Variants in PIEZO2 observed in about 807,000 individuals in gnomAD.
PIEZO2 encodes the protein piezo-type mechanosensitive ion channel component 2.
A neutral mutation model predicts 337.3 loss-of-function variants in PIEZO2; 172 were observed. The ratio of observed to expected loss-of-function variants is 0.51; its 90% CI spans 0.45 to 0.58. The LOEUF (loss-of-function observed/expected upper bound fraction) is 0.58, where lower values mean the gene tolerates loss of function less well. Ranked by LOEUF, PIEZO2 falls within the 20% of genes least tolerant of loss-of-function variation. PIEZO2 has a pLI of 0.00. For missense variants in PIEZO2, 3,028 were observed against 3,391.3 expected, an observed-to-expected ratio of 0.89 and a Z score of 2.66; for synonymous variants, 1,251 against 1,228.5, an observed-to-expected ratio of 1.02 and a Z score of -0.38.
rs113559340 is a variant in PIEZO2 at position 10,671,142 on chromosome 18, A to G, written c.*385T>C. ...GTGGGGATGGAGCGCTGTATATTGC[A>G]TTGTAGCATCTCTCCAGGAAGTGCA... On this transcript the variant is annotated 3_prime_UTR_variant, in exon 56 of 56. Coordinates refer to ENST00000674853, the MANE Select transcript of PIEZO2 (RefSeq NM_001378183.1). 5.5e-6 allele frequency: 1 copy of G among 181,132 alleles called. No homozygotes were observed. Among genetic ancestry groups the G allele is most frequent in the Non-Finnish European group, 1.2e-5 (1 of 86,370 alleles). 11.2% of individuals were successfully genotyped at this position (181,132 alleles called of 1,614,324 possible).
In PIEZO2 at chr18:10,942,739, C is replaced by T. The variant is rs1350839537; in HGVS notation, c.287-31511G>A. ...AGTAATGAAGAGCCAAATATTAATC[C>T]CCAAGACAATGGGAAAAATGTCTCC... On this transcript the variant is annotated intron_variant, in intron 3 of 55. Coordinates refer to ENST00000674853, the MANE Select transcript of PIEZO2 (RefSeq NM_001378183.1). This position sits in a 1 kb window ranked among gnomAD's most constrained non-coding sequence, Gnocchi z 4.4. 3.3e-5 allele frequency among the ~76,000 whole-genome samples: 5 copies of T among 152,132 alleles called. No homozygotes were observed. The highest frequency in any genetic ancestry group is 6.5e-5 in the Admixed American group (1 of 15,270).
At chr18:10,690,074 T>A (rs1228860842) in intron 48 of PIEZO2, among the ~76,000 whole-genome samples, 2 of 151,954 alleles carry the variant, frequency 1.3e-5, no homozygotes, top group Non-Finnish European at 2.9e-5. Context: ...GGTGTGAAGG[T>A]GACTCAGCTT....
At chr18:11,107,146 T>C (rs1568379187) in intron 1 of PIEZO2, among the ~76,000 whole-genome samples, 1 of 152,198 alleles carries the variant, frequency 6.6e-6, no homozygotes, top group African/African-American at 2.4e-5. Flanking sequence ...CTTTTAAAGA[T>C]AGAGCCCATT....
chr18:10,866,998 T>A (rs1042092451), intron 5 of PIEZO2, among the ~76,000 whole-genome samples: 3 of 152,000 alleles, frequency 2.0e-5, no homozygotes, highest in African/African-American at 7.2e-5. Context: ...GCAAAGGGAG[T>A]CGCCCACTTT....
At chr18:11,135,505 C>A (rs992098082) in intron 1 of PIEZO2, among the ~76,000 whole-genome samples, 6 of 152,298 alleles carry the variant, frequency 3.9e-5, no homozygotes, top group African/African-American at 1.4e-4. Flanking sequence ...TATGCATATT[C>A]AAAGCTATAA....
rs138485191 is a variant in PIEZO2 at position 10,707,227 on chromosome 18, C to T, written c.5588+1048G>A. On this transcript the variant is annotated intron_variant, in intron 40 of 55. Coordinates refer to ENST00000674853, the MANE Select transcript of PIEZO2 (RefSeq NM_001378183.1). The surrounding 1 kb of genome is among the most constrained non-coding windows in gnomAD (Gnocchi z 4.2). ...ACTTGCAGACTACTGGAGCCAACCC[C>T]GCACCAGGTCTCATGGCCAGTAAGA... Among the ~76,000 whole-genome samples the T allele has an allele frequency of 6.6e-3, 1,011 of 152,294 alleles. 17 individuals carry two copies. Among genetic ancestry groups the T allele is most frequent in the African/African-American group, 0.023 (957 of 41,562 alleles).
At chr18:10,811,591 T>G (rs1568086839) in intron 7 of PIEZO2, among the ~76,000 whole-genome samples, 2 of 152,212 alleles carry the variant, frequency 1.3e-5, no homozygotes, top group African/African-American at 4.8e-5. Flanking sequence ...AAATCACTGC[T>G]GCTTGAATCT....
chr18:10,959,011 G>A (rs903382910), intron 3 of PIEZO2, among the ~76,000 whole-genome samples: 1 of 152,140 alleles, frequency 6.6e-6, no homozygotes, highest in Non-Finnish European at 1.5e-5. Context: ...ATAAATGCCT[G>A]TGACTGTTAC....
Position 10,824,891 on chromosome 18 carries a change from T to A in PIEZO2, c.918-17617A>T, listed in dbSNP as rs946895368. 1.1e-4 allele frequency among the ~76,000 whole-genome samples: 17 copies of A among 152,276 alleles called. No individual in the cohort carries two copies. Among genetic ancestry groups the A allele is most frequent in the African/African-American group, 4.1e-4 (17 of 41,556 alleles). On this transcript the variant is annotated intron_variant, in intron 7 of 55. Coordinates refer to ENST00000674853, the MANE Select transcript of PIEZO2 (RefSeq NM_001378183.1). This position sits in a 1 kb window ranked among gnomAD's most constrained non-coding sequence, Gnocchi z 4.4. ...TTCTTTATTTTTGTTTGAAACAGAG[T>A]CTTTCTCTGTCACCCAGGCTGGAGT...
intron 7 of PIEZO2, among the ~76,000 whole-genome samples, chr18:10,839,673 A>G (rs2041131081): frequency 1.3e-5 from 2 of 152,232 alleles, no homozygotes; most frequent in African/African-American, 4.8e-5. Flanking sequence ...TGAACCCAAG[A>G]GAAGATCTCA....
intron 2 of PIEZO2, among the ~76,000 whole-genome samples, chr18:11,018,863 A>G (rs188372954): frequency 3.0e-4 from 45 of 152,310 alleles, no homozygotes; most frequent in African/African-American, 1.0e-3. Flanking sequence ...TCTCAACCAC[A>G]ACATGTCTAA....
At chr18:10,944,593 C>T (rs1006920279) in intron 3 of PIEZO2, among the ~76,000 whole-genome samples, 1 of 144,436 alleles carries the variant, frequency 6.9e-6, no homozygotes, top group Non-Finnish European at 1.5e-5. Context: ...GTAAAGAACA[C>T]CAAAGACAAA....
intron 2 of PIEZO2, among the ~76,000 whole-genome samples, chr18:11,014,219 C>T (rs1208791936): frequency 6.6e-6 from 1 of 151,940 alleles, no homozygotes; most frequent in Non-Finnish European, 1.5e-5. Flanking sequence ...TCTAGGGCCC[C>T]CCTCATTCCT....
At chr18:10,866,674 C>T (rs529422900) in intron 5 of PIEZO2, among the ~76,000 whole-genome samples, 1 of 152,280 alleles carries the variant, frequency 6.6e-6, no homozygotes, top group East Asian at 1.9e-4. Context: ...GATGAGTGGG[C>T]ATCCATGCTC....
intron 2 of PIEZO2, among the ~76,000 whole-genome samples, chr18:11,051,786 A>G (rs1329613099): frequency 6.6e-6 from 1 of 152,226 alleles, no homozygotes; most frequent in Non-Finnish European, 1.5e-5. Context: ...TGTTGAAACC[A>G]ACTGAAAAGG....
At chr18:10,948,196 A>G (rs1460963907) in intron 3 of PIEZO2, among the ~76,000 whole-genome samples, 1 of 152,124 alleles carries the variant, frequency 6.6e-6, no homozygotes, top group East Asian at 1.9e-4. Flanking sequence ...TAATTTCAAT[A>G]TATAATAAAA....
chr18:11,144,332 A>AT (rs1346930738), intron 1 of PIEZO2, among the ~76,000 whole-genome samples: 1 of 152,218 alleles, frequency 6.6e-6, no homozygotes, highest in South Asian at 2.1e-4. Context: ...GTATCTACTT[A>AT]TATAAGGCTG....
intron 24 of PIEZO2, 30 bp downstream of exon 24, chr18:10,760,881 G>T (rs2038098525): frequency 2.7e-6 from 4 of 1,485,386 alleles, no homozygotes; most frequent in African/African-American, 1.4e-5. Context: ...ATGGAAAAGA[G>T]AAATAAAACA....
chr18:10,935,802 C>T (rs939174948), intron 3 of PIEZO2, among the ~76,000 whole-genome samples: 2 of 152,160 alleles, frequency 1.3e-5, no homozygotes, highest in Non-Finnish European at 2.9e-5. Flanking sequence ...GGCCCCTGCT[C>T]CTGCCTCGCC....
Sources: gnomAD v4.1 joint callset for allele counts (sites outside exome capture counted in the v4.1 genomes callset) on GRCh38, gnomAD v4.1.1 for gene constraint, Gnocchi (gnomAD v3.1) non-coding constraint, MANE v1.5 for transcripts, NCBI Gene and HGNC (gene_info 2026-07-23, HGNC 2026-07-21) for gene names.